The following CATSPERE variants were observed in gnomAD, a reference collection of about 807,000 sequenced individuals.
The protein encoded by CATSPERE is catsper channel auxiliary subunit epsilon, also known as cation channel sperm-associated auxiliary subunit epsilon.
CATSPERE carries 93 observed loss-of-function variants against 114.1 expected under a neutral mutation model. The ratio of observed to expected loss-of-function variants is 0.81; its 90% CI spans 0.69 to 0.97. The LOEUF is 0.97. CATSPERE is among the 50% of genes least tolerant of loss of function. The pLI is 0.00. For synonymous variants in CATSPERE, 341 were observed against 384.1 expected (o/e 0.89, Z 1.31); for missense variants, 1,058 against 1,131.6 (o/e 0.93, Z 0.93).
intron 21 of CATSPERE, among the ~76,000 whole-genome samples, chr1:244,636,905 T>TAAGGA: frequency 6.6e-6 from 1 of 152,132 alleles, no homozygotes; most frequent in Non-Finnish European, 1.5e-5. Context: ...GGCACTTCCT[T>TAAGGA]GCTCCTAGTC....
intron 11 of CATSPERE, among the ~76,000 whole-genome samples, chr1:244,580,081 G>A (rs1665934128): frequency 6.6e-6 from 1 of 152,104 alleles, no homozygotes; most frequent in Non-Finnish European, 1.5e-5. Flanking sequence ...CTGTCATCCA[G>A]GCTGGAGTGC....
At chr1:244,497,119 T>G (rs1449534753) in intron 6 of CATSPERE, among the ~76,000 whole-genome samples, 1 of 152,024 alleles carries the variant, frequency 6.6e-6, no homozygotes, top group Non-Finnish European at 1.5e-5. Flanking sequence ...ATACAATAAA[T>G]CCAGTAACAA....
chr1:244,474,276 G>T (rs1378697632), intron 2 of CATSPERE, among the ~76,000 whole-genome samples: 1 of 151,932 alleles, frequency 6.6e-6, no homozygotes, highest in Non-Finnish European at 1.5e-5. Context: ...CTCATGATCT[G>T]CCCACCTCAG....
At chr1:244,582,919 AT>A (rs1666410493) in intron 12 of CATSPERE, among the ~76,000 whole-genome samples, 1 of 566 alleles carries the variant, frequency 1.8e-3, no homozygotes. Flanking sequence ...TGATATATAT[AT>A]ATATATATAT....
At chr1:244,475,023 C>T (rs1278210923) in intron 2 of CATSPERE, among the ~76,000 whole-genome samples, 1 of 151,890 alleles carries the variant, frequency 6.6e-6, no homozygotes, top group Non-Finnish European at 1.5e-5. Context: ...TGGGGACTAT[C>T]CTAATTGTTC....
At chr1:244,566,138 G>C (rs1343744664) in intron 10 of CATSPERE, among the ~76,000 whole-genome samples, 1 of 152,200 alleles carries the variant, frequency 6.6e-6, no homozygotes, top group Non-Finnish European at 1.5e-5. Context: ...TTTTGAGTAA[G>C]TTTCTTAATC....
chr1:244,567,054 C>A (rs1039985906), intron 10 of CATSPERE, among the ~76,000 whole-genome samples: 72 of 152,136 alleles, frequency 4.7e-4, no homozygotes, highest in Non-Finnish European at 9.4e-4. Context: ...GTGACAAAAT[C>A]TCTCAGCATT....
In CATSPERE at chr1:244,504,429, C is replaced by T. The variant is rs550377471; in HGVS notation, c.429+5350C>T. ...TCCTGTTGTATATTTGTCATAATTA[C>T]TGAACCAATATTGTTACATTATTAT... On this transcript the variant is annotated intron_variant, in intron 7 of 21. Coordinates refer to ENST00000366534, the MANE Select transcript of CATSPERE (RefSeq NM_001130957.2). The surrounding 1 kb of genome is among the most constrained non-coding windows in gnomAD (Gnocchi z 4.1). Among the ~76,000 whole-genome samples the T allele has an allele frequency of 5.9e-5, 9 of 152,298 alleles. No homozygotes were observed. Among genetic ancestry groups the T allele is most frequent in the African/African-American group, 1.7e-4 (7 of 41,552 alleles).
chr1:244,617,886 A>G (rs914409723), intron 20 of CATSPERE, among the ~76,000 whole-genome samples, 200 bp downstream of exon 20: 2 of 152,220 alleles, frequency 1.3e-5, no homozygotes, highest in African/African-American at 2.4e-5. Flanking sequence ...TCAATTTACA[A>G]TTACATTCTG....
chr1:244,465,038 C>A (rs567677977), intron 2 of CATSPERE, among the ~76,000 whole-genome samples: 15 of 141,126 alleles, frequency 1.1e-4, no homozygotes, highest in Admixed American at 5.0e-4. Context: ...TTGGAGGCTC[C>A]TTTTTTTTTT....
intron 2 of CATSPERE, among the ~76,000 whole-genome samples, chr1:244,472,896 G>C (rs1668719594): frequency 6.7e-6 from 1 of 149,912 alleles, no homozygotes. Context: ...TTTTCAGATT[G>C]GCTTCTTTCA....
chr1:244,551,364 G>C (rs999557554), intron 8 of CATSPERE, among the ~76,000 whole-genome samples: 1 of 152,128 alleles, frequency 6.6e-6, no homozygotes, highest in African/African-American at 2.4e-5. Context: ...ATTATAAAAT[G>C]CTATTTTAAC....
At chr1:244,551,961 G>A (rs1660706269) in intron 8 of CATSPERE, among the ~76,000 whole-genome samples, 1 of 145,820 alleles carries the variant, frequency 6.9e-6, no homozygotes, top group African/African-American at 2.5e-5. Flanking sequence ...CTACTCAGGA[G>A]GTTGAGGCAG....
intron 17 of CATSPERE, among the ~76,000 whole-genome samples, chr1:244,605,067 C>G (rs1669799851): frequency 6.6e-6 from 1 of 152,188 alleles, no homozygotes; most frequent in East Asian, 1.9e-4. Flanking sequence ...TCAGCCTCAC[C>G]TCGACTTACT....
At chr1:244,498,328 G>A (rs920200276) in intron 6 of CATSPERE, among the ~76,000 whole-genome samples, 3 of 152,146 alleles carry the variant, frequency 2.0e-5, no homozygotes, top group Non-Finnish European at 4.4e-5. Flanking sequence ...ACATTTTATA[G>A]GAATCTAAGC....
At chr1:244,623,642 T>TA (rs1435752962) in intron 20 of CATSPERE, among the ~76,000 whole-genome samples, 9 of 152,034 alleles carry the variant, frequency 5.9e-5, no homozygotes, top group Admixed American at 5.9e-4. Flanking sequence ...CACTACCAAA[T>TA]ACAGGCGCAC....
intron 7 of CATSPERE, among the ~76,000 whole-genome samples, chr1:244,508,000 G>T (rs1419689851): frequency 1.3e-5 from 2 of 151,622 alleles, no homozygotes; most frequent in Non-Finnish European, 2.9e-5. Flanking sequence ...TTCTATTTCT[G>T]TAAAGAATGT....
At chr1:244,531,885 G>A (rs994349034) in intron 8 of CATSPERE, among the ~76,000 whole-genome samples, 1 of 152,104 alleles carries the variant, frequency 6.6e-6, no homozygotes, top group Non-Finnish European at 1.5e-5. Flanking sequence ...TATTTTTGGG[G>A]ATAGTTTGAG....
chr1:244,495,450 T>A (rs1251234916), intron 6 of CATSPERE, among the ~76,000 whole-genome samples: 1 of 152,172 alleles, frequency 6.6e-6, no homozygotes, highest in African/African-American at 2.4e-5. Flanking sequence ...CCAGGAGCGG[T>A]GGCTCACGCC....
Sources: gnomAD v4.1 joint callset for allele counts (sites outside exome capture counted in the v4.1 genomes callset) on GRCh38, gnomAD v4.1.1 for gene constraint, Gnocchi (gnomAD v3.1) non-coding constraint, MANE v1.5 for transcripts, NCBI Gene and HGNC (gene_info 2026-07-23, HGNC 2026-07-21) for gene names.